Variants in ARFGEF3 observed in about 807,000 individuals in gnomAD.
ARFGEF3 encodes brefeldin A-inhibited guanine nucleotide-exchange protein 3.
Under a neutral mutation model 221.7 loss-of-function variants are expected in ARFGEF3, and 96 were observed. The ratio of observed to expected loss-of-function variants is 0.43; its 90% CI spans 0.37 to 0.51. The LOEUF is 0.51. ARFGEF3 is among the 20% of genes least tolerant of loss of function. ARFGEF3 has a pLI of 0.00. For missense variants in ARFGEF3, 2,410 were observed against 2,789.9 expected (o/e 0.86, Z 3.07); for synonymous variants, 1,145 against 1,126.8 (o/e 1.02, Z -0.32).
At chr6:138,315,774 C>T (rs1187044991) in intron 26 of ARFGEF3, among the ~76,000 whole-genome samples, 5 of 151,238 alleles carry the variant, frequency 3.3e-5, no homozygotes, top group African/African-American at 1.2e-4. Flanking sequence ...CGCTTGAACC[C>T]GGGAGGTGGA....
chr6:138,263,594 C>G lies in ARFGEF3; in HGVS notation c.2111C>G (p.Ala704Gly), dbSNP rs61741354. 2.5e-6 allele frequency: 4 copies of G among 1,600,700 alleles called. No individual in the cohort carries two copies. The highest frequency in any genetic ancestry group is 3.4e-6 in the Non-Finnish European group (4 of 1,173,188). ...EEVDTALQNF[A>G]STFCSGMMHS... ...GTGGACACCGCTCTGCAGAACTTTG[C>G]CTCTACTTTCTGCTCAGGTTTGTAA... The change falls in exon 12 of 34, where the codon GCC (alanine) becomes GGC (glycine). Residue 704 changes from alanine to glycine, a missense_variant. Ala to Gly is a moderately conservative substitution (Grantham distance 60, BLOSUM62 0). Transcript: ENST00000251691.
intron 11 of ARFGEF3, among the ~76,000 whole-genome samples, chr6:138,262,122 C>T (rs1359756307): frequency 6.6e-6 from 1 of 151,302 alleles, no homozygotes; most frequent in African/African-American, 2.4e-5. Flanking sequence ...AAATACTCAT[C>T]AGGAGCTTCT....
Position 138,334,881 on chromosome 6 carries a change from A to G in ARFGEF3, c.6035A>G (p.Lys2012Arg), listed in dbSNP as rs933994226. 3.1e-6 allele frequency: 5 copies of G among 1,592,316 alleles called. No homozygotes were observed. The highest frequency in any genetic ancestry group is 3.6e-5 in the Admixed American group (2 of 56,006). Residue 2012 changes from lysine (K) to arginine (R), a missense_variant, in exon 33 of 34, where the codon AAA (lysine) becomes AGA (arginine). Lys to Arg is a conservative substitution (Grantham distance 26, BLOSUM62 2). Transcript: ENST00000251691. The surrounding 1 kb of genome is among the most constrained non-coding windows in gnomAD (Gnocchi z 5.1). Reference protein sequence around the residue: ...KKEWWENAGNKIYTMAADKTI... With the variant: ...KKEWWENAGNRIYTMAADKTI... ...GAGTGGTGGGAGAATGCGGGGAACA[A>G]AATCTACACCATGGCAGCCGACAAG... is the stretch of plus-strand genomic sequence containing the variant.
chr6:138,279,408 C>G (rs1012409274), intron 13 of ARFGEF3, among the ~76,000 whole-genome samples: 2 of 152,206 alleles, frequency 1.3e-5, no homozygotes, highest in Non-Finnish European at 2.9e-5. Context: ...GGCTGTTGCT[C>G]ATAAGCACTT....
intron 12 of ARFGEF3, among the ~76,000 whole-genome samples, chr6:138,266,848 C>CAAAAAAAAAAAAAAAAAAA (rs55638606): frequency 5.2e-5 from 4 of 77,402 alleles, no homozygotes; most frequent in Non-Finnish European, 7.0e-5. Context: ...GACTCCATCT[C>CAAAAAAAAAAAAAAAAAAA]AAAAAAAAAA....
chr6:138,268,226 A>G (rs542176173), intron 12 of ARFGEF3, among the ~76,000 whole-genome samples: 1 of 152,362 alleles, frequency 6.6e-6, no homozygotes, highest in African/African-American at 2.4e-5. Flanking sequence ...GAGATGGCAG[A>G]TTTCCTTTGT....
chr6:138,286,449 CAA>C (rs960871572), intron 15 of ARFGEF3, among the ~76,000 whole-genome samples: 5 of 56,530 alleles, frequency 8.8e-5, no homozygotes, highest in Non-Finnish European at 1.1e-4. Flanking sequence ...GACTCCGTCT[CAA>C]AAAAAAAAAA....
In ARFGEF3 at chr6:138,191,446, T is replaced by C. The variant is rs1054905478; in HGVS notation, c.138-15596T>C. Among the ~76,000 whole-genome samples, 8 of 152,172 alleles carry C rather than the reference T, an allele frequency of 5.3e-5. No individual in the cohort carries two copies. In the South Asian group the frequency reaches 1.7e-3, roughly 32 times the overall value. ...GAAGGACAGCCTTCCTTCTGGCATC[T>C]TCCTGAGCATCACAGCCTCTTCTGG... On this transcript the variant is annotated intron_variant, in intron 2 of 33. Transcript: ENST00000251691.
Position 138,261,625 on chromosome 6 carries a change from G to T in ARFGEF3, c.1203G>T (p.Leu401=). ...CAATTTCAAAAAGAAAGTCTCATCT[G>T]GATCTCCTCAAACTGTATGATGTTT... ...KRSISKRKSH[L]DLLKLIMDGM... The change falls in exon 11 of 34, where the codon CTG becomes CTT. Residue 401 remains leucine (L), a synonymous_variant. Transcript: ENST00000251691. 6.4e-7 allele frequency: 1 copy of T among 1,554,388 alleles called. No homozygotes were observed. The highest frequency in any genetic ancestry group is 1.2e-5 in the South Asian group (1 of 84,124).
At chr6:138,210,802 G>A (rs925849091) in intron 4 of ARFGEF3, among the ~76,000 whole-genome samples, 2 of 152,174 alleles carry the variant, frequency 1.3e-5, no homozygotes, top group African/African-American at 2.4e-5. Flanking sequence ...AATAGTTGGT[G>A]TCATCCCATG....
At chr6:138,214,363 C>T (rs908180982) in intron 4 of ARFGEF3, among the ~76,000 whole-genome samples, 2 of 152,130 alleles carry the variant, frequency 1.3e-5, no homozygotes, top group African/African-American at 4.8e-5. Flanking sequence ...AAAAATCTTC[C>T]AGTCATTTTA....
intron 12 of ARFGEF3, among the ~76,000 whole-genome samples, chr6:138,272,219 G>C (rs752244975): frequency 6.6e-6 from 1 of 152,014 alleles, no homozygotes; most frequent in East Asian, 1.9e-4. Context: ...GCAGTGGCAC[G>C]ATCTCGGCTC....
chr6:138,272,240 C>A (rs1779016838), intron 12 of ARFGEF3, among the ~76,000 whole-genome samples: 1 of 152,172 alleles, frequency 6.6e-6, no homozygotes, highest in Non-Finnish European at 1.5e-5. Flanking sequence ...ACTGCAACCT[C>A]CGCCTCCTGG....
At position 138,229,829 on chromosome 6, in the gene ARFGEF3, A is replaced by C; in HGVS notation, c.397A>C (p.Ser133Arg). Residue 133 changes from serine (S) to arginine (R), a missense_variant, in exon 5 of 34, where the codon AGT becomes CGT. Around this residue, in one of 5 missense-constraint regions of ARFGEF3, gnomAD observed 570 missense variants for 586.9 expected, o/e 0.97. Transcript: ENST00000251691. ...TYTPTFDLNG[S>R]AVLKIAEVCI... is the part of the protein sequence containing the mutation. ...CACGCCAACATTTGATCTGAATGGGAGTGCCGTGCTGAAGATCGCGGAGGT... is the reference window on the plus strand; with the variant it reads ...CACGCCAACATTTGATCTGAATGGGCGTGCCGTGCTGAAGATCGCGGAGGT... The C allele has an allele frequency of 6.2e-7, 1 of 1,613,706 alleles. No individual in the cohort carries two copies. Among genetic ancestry groups the C allele is most frequent in the Middle Eastern group, 1.7e-4 (1 of 6,058 alleles).
intron 22 of ARFGEF3, among the ~76,000 whole-genome samples, chr6:138,299,112 C>A (rs1006228433): frequency 1.4e-5 from 2 of 144,012 alleles, no homozygotes; most frequent in African/African-American, 5.0e-5. Context: ...GCAGGAGAAT[C>A]GCTTGAACCA....
At chr6:138,205,049 A>T (rs1238908179) in intron 2 of ARFGEF3, among the ~76,000 whole-genome samples, 2 of 152,176 alleles carry the variant, frequency 1.3e-5, no homozygotes, top group African/African-American at 4.8e-5. Flanking sequence ...TGGAATAAGG[A>T]TTTCAAGGGC....
At chr6:138,244,038 G>A (rs997107967) in intron 7 of ARFGEF3, among the ~76,000 whole-genome samples, 2 of 152,124 alleles carry the variant, frequency 1.3e-5, no homozygotes, top group Admixed American at 1.3e-4. Flanking sequence ...AAAAAAGGGG[G>A]TCTGCGACTT....
intron 4 of ARFGEF3, among the ~76,000 whole-genome samples, chr6:138,225,789 AT>A (rs895234551): frequency 8.7e-4 from 132 of 151,610 alleles, no homozygotes; most frequent in African/African-American, 2.8e-3. Flanking sequence ...TATTTCTAAT[AT>A]TTTTTTTTAC....
At chr6:138,298,559 ACTGT>A in intron 21 of ARFGEF3, 43 bp from the exon 22 acceptor site, 1 of 1,522,858 alleles carries the variant, frequency 6.6e-7, no homozygotes, top group Non-Finnish European at 9.0e-7. Flanking sequence ...AACCATTCTC[ACTGT>A]CTGCTGTCCT....
Sources: allele counts gnomAD v4.1 joint callset (sites outside exome capture counted in the v4.1 genomes callset), GRCh38; gene constraint gnomAD v4.1.1; regional missense constraint gnomAD v4.1.1; non-coding constraint Gnocchi (gnomAD v3.1); transcripts MANE v1.5; gene names NCBI Gene and HGNC (gene_info 2026-07-23, HGNC 2026-07-21).